SNAP25: variants seen among roughly 807,000 people sequenced by gnomAD.
The protein encoded by SNAP25 is synaptosome associated protein 25, also known as synaptosomal-associated protein 25.
A neutral mutation model predicts 28.7 loss-of-function variants in SNAP25; 3 were observed. The observed-to-expected ratio is 0.10, with a 90% confidence interval of 0.05 to 0.27. The LOEUF is 0.27. Among genes scored for constraint, SNAP25 ranks in the 10% least tolerant of loss-of-function variants. The pLI, the probability that SNAP25 is intolerant of heterozygous loss-of-function variation, is 1.00. For missense variants in SNAP25, 117 were observed against 278.7 expected (o/e 0.42, Z 4.13); for synonymous variants, 61 against 88.1 (o/e 0.69, Z 1.72).
At chr20:10,255,422 G>A (rs2063303148) in intron 1 of SNAP25, among the ~76,000 whole-genome samples, 2 of 152,150 alleles carry the variant, frequency 1.3e-5, no homozygotes, top group African/African-American at 2.4e-5. Context: ...GTCAGGGTAA[G>A]TTCCTCCAAG....
rs1432208940 is a variant in SNAP25, at chr20:10,275,444, C to T, written c.-48C>T. On this transcript the variant is annotated 5_prime_UTR_variant, in exon 2 of 8. Transcript: ENST00000254976. ...TTCTTCCCAGGTCCAGAGCCAAACCCGTCACTGACCCCCCAGCCCAGGCGC... is the reference window on the plus strand; with the variant it reads ...TTCTTCCCAGGTCCAGAGCCAAACCTGTCACTGACCCCCCAGCCCAGGCGC... 29 of 1,544,098 alleles carry T rather than the reference C, an allele frequency of 1.9e-5. No individual in the cohort carries two copies. Among genetic ancestry groups the T allele is most frequent in the Non-Finnish European group, 2.3e-5 (26 of 1,136,430 alleles).
chr20:10,230,701 G>A (rs1254366627), intron 1 of SNAP25, among the ~76,000 whole-genome samples: 1 of 152,150 alleles, frequency 6.6e-6, no homozygotes, highest in Non-Finnish European at 1.5e-5. Context: ...GTCTCAAACT[G>A]AGCCTGTTGA....
chr20:10,239,866 T>C (rs1006733017), intron 1 of SNAP25, among the ~76,000 whole-genome samples: 3 of 152,076 alleles, frequency 2.0e-5, no homozygotes, highest in Admixed American at 6.5e-5. Context: ...CCCCCTGACT[T>C]TGGGGAGGCA....
At chr20:10,228,662 C>T (rs914746225) in intron 1 of SNAP25, among the ~76,000 whole-genome samples, 1 of 152,116 alleles carries the variant, frequency 6.6e-6, no homozygotes, top group Admixed American at 6.6e-5. Context: ...AAAAGGAGAG[C>T]AATTGCTGCC....
chr20:10,303,679 T>C (rs1037926431), intron 7 of SNAP25, among the ~76,000 whole-genome samples: 11 of 152,116 alleles, frequency 7.2e-5, no homozygotes, highest in Admixed American at 5.9e-4. Flanking sequence ...GCATTACCAG[T>C]CAGGGAAGGA....
At chr20:10,246,380 G>A (rs1051612611) in intron 1 of SNAP25, among the ~76,000 whole-genome samples, 4 of 152,034 alleles carry the variant, frequency 2.6e-5, no homozygotes, top group Admixed American at 2.0e-4. Flanking sequence ...TGAGAGGGAG[G>A]GGAATTGCAC....
chr20:10,266,697 AG>A (rs1568601978), intron 1 of SNAP25, among the ~76,000 whole-genome samples: 2 of 152,244 alleles, frequency 1.3e-5, no homozygotes, highest in African/African-American at 2.4e-5. Flanking sequence ...TATTGATAAA[AG>A]CAATAATGCA....
At chr20:10,300,569 T>G (rs1343221458) in intron 7 of SNAP25, among the ~76,000 whole-genome samples, 1 of 152,172 alleles carries the variant, frequency 6.6e-6, no homozygotes, top group African/African-American at 2.4e-5. Flanking sequence ...TTTAAGATTT[T>G]TAGAATCATA....
intron 1 of SNAP25, among the ~76,000 whole-genome samples, chr20:10,274,495 A>G (rs1600730491): frequency 1.3e-5 from 2 of 152,352 alleles, no homozygotes; most frequent in Middle Eastern, 3.4e-3. Flanking sequence ...AGTACACACT[A>G]TGTGATTTTT....
At chr20:10,265,573 G>T (rs186022743) in intron 1 of SNAP25, among the ~76,000 whole-genome samples, 22 of 152,254 alleles carry the variant, frequency 1.4e-4, no homozygotes, top group Admixed American at 1.3e-3. Flanking sequence ...CTGAATACAA[G>T]AATTTATCTC....
intron 1 of SNAP25, among the ~76,000 whole-genome samples, chr20:10,268,878 T>G (rs965919275): frequency 2.0e-5 from 3 of 152,054 alleles, no homozygotes; most frequent in Non-Finnish European, 2.9e-5. Flanking sequence ...CCGTTTCTGA[T>G]GCTAAACATC....
chr20:10,274,019 T>C (rs2063643861), intron 1 of SNAP25, among the ~76,000 whole-genome samples: 1 of 152,054 alleles, frequency 6.6e-6, no homozygotes, highest in African/African-American at 2.4e-5. Context: ...CTCTTTTGCT[T>C]GCATCTCCCC....
intron 1 of SNAP25, among the ~76,000 whole-genome samples, chr20:10,266,918 GT>G (rs1391327498): frequency 6.6e-6 from 1 of 152,062 alleles, no homozygotes; most frequent in African/African-American, 2.4e-5. Flanking sequence ...TTGATTTGAT[GT>G]CAATAGGTAG....
intron 3 of SNAP25, chr20:10,278,103 A>G: frequency 6.2e-6 from 1 of 162,338 alleles, no homozygotes; most frequent in Non-Finnish European, 1.3e-5. Flanking sequence ...CCTATAAATT[A>G]CATCTAATCT....
intron 1 of SNAP25, among the ~76,000 whole-genome samples, chr20:10,242,750 A>G (rs921560281): frequency 2.0e-5 from 3 of 152,168 alleles, no homozygotes; most frequent in African/African-American, 7.2e-5. Context: ...TAAAATAGGG[A>G]TCAATTTATG....
At chr20:10,224,282 T>TTTTTTTTTTTG (rs2062693681) in intron 1 of SNAP25, among the ~76,000 whole-genome samples, 3 of 132,680 alleles carry the variant, frequency 2.3e-5, no homozygotes, top group African/African-American at 5.5e-5. Flanking sequence ...TTTTTTTTTT[T>TTTTTTTTTTTG]TTTTTTTTTT....
At position 10,299,277 on chromosome 20, in the gene SNAP25, T is replaced by A. The variant is rs760879980; in HGVS notation, c.417T>A (p.Asn139Lys). Residue 139 changes from asparagine to lysine, a missense_variant, in exon 7 of 8, where the codon AAT (asparagine) becomes AAA (lysine). This residue lies in a region of SNAP25 where 88 missense variants were observed against 206.9 expected (regional missense o/e 0.43). Coordinates refer to ENST00000254976, the MANE Select transcript of SNAP25 (RefSeq NM_130811.4). ...GCTCTTTGGATCCCAGGGTAACAAATGATGCCCGAGAAAATGAAATGGATG... is the reference window on the plus strand; with the variant it reads ...GCTCTTTGGATCCCAGGGTAACAAAAGATGCCCGAGAAAATGAAATGGATG... ...ISGGFIRRVTNDARENEMDEN... is the reference protein window; with the variant it reads ...ISGGFIRRVTKDARENEMDEN... 6.2e-7 allele frequency: 1 copy of A among 1,613,846 alleles called. No individual in the cohort carries two copies. Among genetic ancestry groups the A allele is most frequent in the Non-Finnish European group, 8.5e-7 (1 of 1,179,936 alleles).
chr20:10,296,193 C>T (rs1272582924), intron 5 of SNAP25: 1 of 152,152 alleles, frequency 6.6e-6, no homozygotes, highest in Non-Finnish European at 1.5e-5. Flanking sequence ...ATGGCTTGTT[C>T]TCTCTTCTCT....
At chr20:10,288,392 G>C (rs3025873) in intron 4 of SNAP25, among the ~76,000 whole-genome samples, 39,169 of 151,854 alleles carry the variant, frequency 0.26, 5,509 homozygotes, top group African/African-American at 0.36. Context: ...AACCTGGAAT[G>C]AAAAAGAGAA....
Sources: gnomAD v4.1 joint callset for allele counts (sites outside exome capture counted in the v4.1 genomes callset) on GRCh38, gnomAD v4.1.1 for gene constraint, gnomAD v4.1.1 regional missense constraint, MANE v1.5 for transcripts, NCBI Gene and HGNC (gene_info 2026-07-23, HGNC 2026-07-21) for gene names.